The following GALNTL6 variants were observed in gnomAD, a reference collection of about 807,000 sequenced individuals.
GALNTL6 encodes polypeptide N-acetylgalactosaminyltransferase like 6.
In GALNTL6, 46 loss-of-function variants were observed where a neutral mutation model predicts 73.7. The observed-to-expected ratio is 0.62, with a 90% CI of 0.49 to 0.80. The LOEUF (loss-of-function observed/expected upper bound fraction) is 0.80. GALNTL6 is among the 30% of genes least tolerant of loss of function. The pLI, the probability that GALNTL6 is intolerant of heterozygous loss-of-function variation, is 0.00. For missense variants in GALNTL6, 604 were observed against 755.0 expected, an observed-to-expected ratio of 0.80 and a Z score of 2.34; for synonymous variants, 259 against 263.7, an observed-to-expected ratio of 0.98 and a Z score of 0.17.
chr4:172,964,587 A>T (rs1750240758), intron 10 of GALNTL6, among the ~76,000 whole-genome samples: 1 of 152,236 alleles, frequency 6.6e-6, no homozygotes, highest in Non-Finnish European at 1.5e-5. Context: ...ACATTCACAA[A>T]GACAGGCACC....
chr4:172,387,161 T>C (rs1743503560), intron 5 of GALNTL6, among the ~76,000 whole-genome samples: 1 of 152,052 alleles, frequency 6.6e-6, no homozygotes, highest in South Asian at 2.1e-4. Context: ...TCTATGGGAG[T>C]ATGGTTTCAA....
rs17058980 is a variant in GALNTL6 at position 172,873,078 on chromosome 4, A to G, written c.924-9712A>G. ...AAATTCTTCAGTGGTACCTAGTCACATACTGGCTAAAATTATTAACCCAAG... is the reference window on the plus strand; with the variant it reads ...AAATTCTTCAGTGGTACCTAGTCACGTACTGGCTAAAATTATTAACCCAAG... On this transcript the variant is annotated intron_variant, in intron 7 of 12. Coordinates refer to ENST00000506823, the MANE Select transcript of GALNTL6 (RefSeq NM_001034845.3). 3.5e-3 allele frequency among the ~76,000 whole-genome samples: 540 copies of G among 152,342 alleles called. 12 individuals are homozygous for G. The highest frequency in any genetic ancestry group is 0.013 in the African/African-American group (527 of 41,568).
At chr4:172,495,352 G>A (rs2110759173) in intron 5 of GALNTL6, among the ~76,000 whole-genome samples, 1 of 152,314 alleles carries the variant, frequency 6.6e-6, no homozygotes, top group South Asian at 2.1e-4. Context: ...TGTCACTCCA[G>A]CTCTACACTC....
chr4:172,673,498 A>G (rs1231283238), intron 5 of GALNTL6, among the ~76,000 whole-genome samples: 1 of 152,166 alleles, frequency 6.6e-6, no homozygotes, highest in Non-Finnish European at 1.5e-5. Context: ...CATTTGTTCC[A>G]GTGCTGAGTT....
chr4:172,752,942 A>G (rs1457567238), intron 5 of GALNTL6, among the ~76,000 whole-genome samples: 1 of 152,208 alleles, frequency 6.6e-6, no homozygotes, highest in African/African-American at 2.4e-5. Flanking sequence ...AGTCATCTAC[A>G]TTCTATTATT....
intron 5 of GALNTL6, among the ~76,000 whole-genome samples, chr4:172,804,306 A>C (rs1162800064): frequency 1.3e-5 from 2 of 152,236 alleles, no homozygotes; most frequent in Non-Finnish European, 2.9e-5. Context: ...GTGTATTTAT[A>C]ATCCATTACA....
At chr4:172,220,254 A>C (rs553651287) in intron 2 of GALNTL6, among the ~76,000 whole-genome samples, 1 of 151,890 alleles carries the variant, frequency 6.6e-6, no homozygotes, top group South Asian at 2.1e-4. Context: ...GTACCTAAAC[A>C]GTGCCAGACA....
rs537266783 is a variant in GALNTL6 at position 172,906,926 on chromosome 4, T to C, written c.1041+24019T>C. Among the ~76,000 whole-genome samples, 9 of 152,352 alleles carry C rather than the reference T, an allele frequency of 5.9e-5. No individual in the cohort carries two copies. In the East Asian group the frequency reaches 1.5e-3, roughly 26 times the overall value. On this transcript the variant is annotated intron_variant, in intron 8 of 12. Coordinates refer to ENST00000506823, the MANE Select transcript of GALNTL6 (RefSeq NM_001034845.3). ...CTTTTGATAGAACCATAATTATATC[T>C]TCAAAACTTCTTCACCGACTTCATA...
At chr4:172,446,428 A>G (rs1196808235) in intron 5 of GALNTL6, among the ~76,000 whole-genome samples, 1 of 152,198 alleles carries the variant, frequency 6.6e-6, no homozygotes, top group Non-Finnish European at 1.5e-5. Context: ...AATATATTAC[A>G]GAGGAGGAGA....
intron 2 of GALNTL6, among the ~76,000 whole-genome samples, chr4:171,960,575 C>T (rs527289682): frequency 6.6e-6 from 1 of 151,868 alleles, no homozygotes; most frequent in East Asian, 1.9e-4. Context: ...CCACCACGCC[C>T]TGCCAGGATA....
At chr4:172,039,136 C>T (rs1560896015) in intron 2 of GALNTL6, among the ~76,000 whole-genome samples, 3 of 152,096 alleles carry the variant, frequency 2.0e-5, no homozygotes, top group Non-Finnish European at 4.4e-5. Context: ...TGCATAATAT[C>T]ATTGATATTG....
chr4:172,621,926 C>G (rs1401269108), intron 5 of GALNTL6, among the ~76,000 whole-genome samples: 1 of 151,958 alleles, frequency 6.6e-6, no homozygotes, highest in Non-Finnish European at 1.5e-5. Flanking sequence ...GGATGTGTGT[C>G]TTCTTACCAA....
intron 2 of GALNTL6, among the ~76,000 whole-genome samples, chr4:172,002,349 A>G (rs1161583612): frequency 6.6e-6 from 1 of 152,124 alleles, no homozygotes; most frequent in Non-Finnish European, 1.5e-5. Context: ...GAGATAAATG[A>G]GAAATAGTGA....
intron 5 of GALNTL6, among the ~76,000 whole-genome samples, chr4:172,799,300 C>G (rs1317659572): frequency 6.6e-6 from 1 of 152,182 alleles, no homozygotes; most frequent in Non-Finnish European, 1.5e-5. Flanking sequence ...TTCAAACAAG[C>G]TATTCTTGAC....
intron 6 of GALNTL6, among the ~76,000 whole-genome samples, chr4:172,813,335 TACA>T (rs1378854951): frequency 6.6e-6 from 1 of 151,976 alleles, no homozygotes; most frequent in Middle Eastern, 3.2e-3. Flanking sequence ...TAAAGGAAAA[TACA>T]ACAACTCTAA....
intron 2 of GALNTL6, among the ~76,000 whole-genome samples, chr4:171,885,563 T>C (rs1736585299): frequency 6.6e-6 from 1 of 152,144 alleles, no homozygotes; most frequent in Non-Finnish European, 1.5e-5. Context: ...CTCAGTGCTT[T>C]GGGAGGCCAA....
At chr4:172,036,723 A>C (rs572543463) in intron 2 of GALNTL6, among the ~76,000 whole-genome samples, 1 of 152,236 alleles carries the variant, frequency 6.6e-6, no homozygotes, top group African/African-American at 2.4e-5. Context: ...TCCAACAAAA[A>C]CCCTAAACTG....
At chr4:172,025,941 A>T (rs1042319348) in intron 2 of GALNTL6, among the ~76,000 whole-genome samples, 2 of 152,052 alleles carry the variant, frequency 1.3e-5, no homozygotes, top group Non-Finnish European at 1.5e-5. Flanking sequence ...CAGAATATTG[A>T]CTTGGAGCTA....
chr4:172,809,582 C>G lies in GALNTL6; in HGVS notation c.739+36C>G, dbSNP rs1188937946. 5 of 1,528,066 alleles carry G rather than the reference C, an allele frequency of 3.3e-6. No homozygotes were observed. In the Admixed American group the frequency reaches 7.7e-5, roughly 24 times the overall value. 94.7% of individuals were successfully genotyped at this position (1,528,066 alleles called of 1,614,324 possible). A position where few individuals can be genotyped will look rare whatever the true frequency, so the allele number is the denominator to read the frequency against. On this transcript the variant is annotated intron_variant, in intron 6 of 12. Transcript: ENST00000506823. The surrounding 1 kb of genome is among the most constrained non-coding windows in gnomAD (Gnocchi z 4.4). ...GTTGCTAAGCACCATCCTGGGATGC[C>G]TCAGGGGAACTGAGCGGTTTGCTTC...
Sources: allele counts gnomAD v4.1 joint callset (sites outside exome capture counted in the v4.1 genomes callset), GRCh38; gene constraint gnomAD v4.1.1; non-coding constraint Gnocchi (gnomAD v3.1); transcripts MANE v1.5; gene names NCBI Gene and HGNC (gene_info 2026-07-23, HGNC 2026-07-21).